RIIAD1: variants seen among roughly 807,000 people sequenced by gnomAD.
The protein encoded by RIIAD1 is RIIa domain-containing protein 1.
RIIAD1 carries 15 observed loss-of-function variants against 13.3 expected under a neutral mutation model. The ratio of observed to expected loss-of-function variants is 1.13; its 90% CI spans 0.76 to 1.74. The LOEUF is 1.74. Ranked by LOEUF, RIIAD1 falls within the 40% of genes most tolerant of loss-of-function variation. The probability of loss-of-function intolerance (pLI) is 0.00; values close to 1 mark genes in which losing one functional copy is unlikely to be tolerated. For synonymous variants in RIIAD1, 50 were observed against 43.3 expected, an observed-to-expected ratio of 1.16 and a Z score of -0.61; for missense variants, 121 against 112.2, an observed-to-expected ratio of 1.08 and a Z score of -0.35.
chr1:151,725,679 TA>T (rs1425315240), intron 2 of RIIAD1, among the ~76,000 whole-genome samples: 2 of 152,220 alleles, frequency 1.3e-5, no homozygotes, highest in African/African-American at 4.8e-5. Context: ...TTTTGTATTT[TA>T]TATGAATGGA....
Position 151,721,587 on chromosome 1 carries a change from C to G in RIIAD1, c.51C>G (p.Ser17Arg). Residue 17 changes from serine to arginine, a missense_variant, in exon 1 of 5, where the codon AGC becomes AGG. Transcript: ENST00000479191. ...LLQRPDPGAL[S>R]AAQLEQLRKF... is the part of the protein sequence containing the mutation. ...AGCGGCCCGACCCCGGGGCGCTTAG[C>G]GCAGCGCAGCTGGAGCAGCTGCGAA... The G allele has an allele frequency of 7.6e-7, 1 of 1,311,196 alleles. No individual in the cohort carries two copies. The highest frequency in any genetic ancestry group is 9.7e-7 in the Non-Finnish European group (1 of 1,027,084). The allele number at this position is 1,311,196 out of a possible 1,614,324, so 81.2% of individuals were successfully genotyped here. A position where few individuals can be genotyped will look rare whatever the true frequency, so the allele number is the denominator to read the frequency against.
rs114266277 is a variant in RIIAD1 at position 151,723,393 on chromosome 1, G to A, written c.161+1231G>A. Among the ~76,000 whole-genome samples, 660 of 147,756 alleles carry A rather than the reference G, an allele frequency of 4.5e-3. 3 individuals carry two copies. Among genetic ancestry groups the A allele is most frequent in the East Asian group, 0.015 (75 of 4,926 alleles). ...TGGGCAACAAGAGCAAAACTCCATCGCAAACAAACAAAAAAAAGTTGGCCA... is the reference window on the plus strand; with the variant it reads ...TGGGCAACAAGAGCAAAACTCCATCACAAACAAACAAAAAAAAGTTGGCCA... On this transcript the variant is annotated intron_variant, in intron 2 of 4. Transcript: ENST00000479191.
Position 151,728,775 on chromosome 1 carries a change from C to T in RIIAD1, c.218C>T (p.Thr73Met), listed in dbSNP as rs896363930. 1.6e-5 allele frequency: 24 copies of T among 1,534,550 alleles called. No homozygotes were observed. The highest frequency in any genetic ancestry group is 7.3e-5 in the East Asian group (3 of 40,836). Residue 73 changes from threonine (T) to methionine (M), a missense_variant, in exon 4 of 5, where the codon ACG (threonine) becomes ATG (methionine). Transcript: ENST00000479191. The part of the protein sequence containing the change: ...NILEFAADYF[T>M]DPRLPNKIHM... ...TTGATTTTTATCCCAGACTACTTCA[C>T]GGATCCAAGACTTCCCAACAAGATT... is the stretch of plus-strand genomic sequence containing the variant.
At chr1:151,714,394 C>G in intron 3 of RIIAD1, 1 of 643,148 alleles carries the variant, frequency 1.6e-6, no homozygotes. Context: ...GTTTACGCCA[C>G]TAATCGCTGC....
chr1:151,726,663 T>C (rs569906321), intron 2 of RIIAD1, among the ~76,000 whole-genome samples: 5 of 152,320 alleles, frequency 3.3e-5, no homozygotes, highest in African/African-American at 9.6e-5. Context: ...GGCATAATAA[T>C]GGTTGTTTCA....
In RIIAD1 at chr1:151,728,888, C is replaced by G. The variant is rs569076951; in HGVS notation, c.*52C>G. On this transcript the variant is annotated 3_prime_UTR_variant, in exon 4 of 5. Coordinates refer to ENST00000479191, the MANE Select transcript of RIIAD1 (RefSeq NM_001144956.3). Reference sequence around the variant, plus strand: ...TGGGAGAGACCAGACGGAATCCAGCCTCGGGGTGGGTGTTAACCTCACTTA... The same window carrying G: ...TGGGAGAGACCAGACGGAATCCAGCGTCGGGGTGGGTGTTAACCTCACTTA... 4.8e-6 allele frequency: 5 copies of G among 1,039,244 alleles called. No homozygotes were observed. The highest frequency in any genetic ancestry group is 1.6e-5 in the African/African-American group (1 of 63,172). The allele number at this position is 1,039,244 out of a possible 1,614,324, so 64.4% of individuals were successfully genotyped here. A position where few individuals can be genotyped will look rare whatever the true frequency, so the allele number is the denominator to read the frequency against.
upstream of RIIAD1, among the ~76,000 whole-genome samples, chr1:151,718,357 G>T (rs1437230255): frequency 6.6e-6 from 1 of 152,190 alleles, no homozygotes; most frequent in African/African-American, 2.4e-5. Flanking sequence ...CTAAAGCCAT[G>T]CAGCTAGAAA....
intron 4 of RIIAD1, chr1:151,715,588 T>C (rs1413519849): frequency 7.1e-7 from 1 of 1,401,886 alleles, no homozygotes; most frequent in Non-Finnish European, 9.4e-7. Context: ...CCTCCATTCT[T>C]TCTTGAGTTC....
chr1:151,721,065 T>C (rs755432239), upstream of RIIAD1, among the ~76,000 whole-genome samples: 3 of 152,140 alleles, frequency 2.0e-5, no homozygotes, highest in Non-Finnish European at 4.4e-5. Flanking sequence ...CTCAGCTCAC[T>C]CTATGTTCTG....
intron 2 of RIIAD1, among the ~76,000 whole-genome samples, chr1:151,712,574 C>T (rs975287432): frequency 1.3e-5 from 2 of 152,234 alleles, no homozygotes; most frequent in African/African-American, 4.8e-5. Context: ...ACCCCCACTC[C>T]ACCACCTCCA....
At chr1:151,721,277 A>C (rs973428048), upstream of RIIAD1, among the ~76,000 whole-genome samples, 1 of 152,114 alleles carries the variant, frequency 6.6e-6, no homozygotes, top group Non-Finnish European at 1.5e-5. Flanking sequence ...TTTACTCTAG[A>C]GCTAACAAAA....
At chr1:151,717,223 G>A (rs80172301), upstream of RIIAD1, among the ~76,000 whole-genome samples, 2,574 of 152,254 alleles carry the variant, frequency 0.017, 72 homozygotes, top group African/African-American at 0.057. Flanking sequence ...AGAAAAATGA[G>A]AAAGGACGGT....
chr1:151,722,168 T>C lies in RIIAD1; in HGVS notation c.161+6T>C, dbSNP rs371327983. On this transcript the variant is annotated splice_donor_region_variant and intron_variant, in intron 2 of 4. Transcript: ENST00000479191. The stretch of plus-strand genomic sequence containing the variant: ...CTCATAAGTGGTTTCTTCAGGTAGG[T>C]GGTTTTCCAGGCTCTGGGATTTGTG... 76 of 1,541,462 alleles carry C rather than the reference T, an allele frequency of 4.9e-5. No individual in the cohort carries two copies. The African/African-American group carries it at 9.7e-4, about 20-fold the overall frequency.
In RIIAD1 at chr1:151,722,197, C is replaced by G. The variant is rs957322681; in HGVS notation, c.161+35C>G. ...TTTCCAGGCTCTGGGATTTGTGGCA[C>G]GCAGGGTTTTCTTCGTTATCTCTAG... On this transcript the variant is annotated intron_variant, in intron 2 of 4. Transcript: ENST00000479191. The G allele has an allele frequency of 3.7e-6, 5 of 1,356,198 alleles. No homozygotes were observed. In the African/African-American group the frequency reaches 7.2e-5, roughly 20 times the overall value. 84.0% of individuals were successfully genotyped at this position (1,356,198 alleles called of 1,614,324 possible).
upstream of RIIAD1, among the ~76,000 whole-genome samples, chr1:151,717,188 G>C (rs969714915): frequency 3.3e-5 from 5 of 152,142 alleles, no homozygotes; most frequent in African/African-American, 4.8e-5. Flanking sequence ...CAAGAGTAGA[G>C]AGTCAAGGAA....
intron 2 of RIIAD1, among the ~76,000 whole-genome samples, chr1:151,725,588 A>G (rs567283653): frequency 6.6e-6 from 1 of 152,282 alleles, no homozygotes. Context: ...AACACCTCAC[A>G]TCCTTTGTGC....
chr1:151,718,641 A>T (rs927168389), upstream of RIIAD1, among the ~76,000 whole-genome samples: 4 of 152,130 alleles, frequency 2.6e-5, no homozygotes, highest in African/African-American at 9.7e-5. Flanking sequence ...GTATGTGTGT[A>T]GACTTGATTA....
At chr1:151,716,178 T>G in intron 4 of RIIAD1, 1 of 704,126 alleles carries the variant, frequency 1.4e-6, no homozygotes. Context: ...GGGGCGGCTC[T>G]TCACACAAAG....
At chr1:151,714,463 A>G (rs1340012200) in exon 4 of RIIAD1, 1 of 736,736 alleles carries the variant, frequency 1.4e-6, no homozygotes, top group Non-Finnish European at 2.5e-6. Flanking sequence ...GATGGATGCT[A>G]CAGAGAGAGA....
Sources: allele counts gnomAD v4.1 joint callset (sites outside exome capture counted in the v4.1 genomes callset), GRCh38; gene constraint gnomAD v4.1.1; transcripts MANE v1.5; gene names NCBI Gene and HGNC (gene_info 2026-07-23, HGNC 2026-07-21).